SGCD: variants seen among roughly 807,000 people sequenced by gnomAD.
The protein encoded by SGCD is sarcoglycan delta.
A neutral mutation model predicts 36.6 loss-of-function variants in SGCD; 18 were observed. The observed-to-expected ratio is 0.49, with a 90% CI of 0.34 to 0.73. The LOEUF (loss-of-function observed/expected upper bound fraction) is 0.73, where lower values mean the gene tolerates loss of function less well. SGCD is among the 30% of genes least tolerant of loss of function. SGCD has a pLI of 0.01. For missense variants in SGCD, 387 were observed against 346.7 expected, an observed-to-expected ratio of 1.12 and a Z score of -0.92; for synonymous variants, 133 against 130.6, an observed-to-expected ratio of 1.02 and a Z score of -0.12.
At chr5:156,531,514 T>A (rs1238140085) in intron 4 of SGCD, among the ~76,000 whole-genome samples, 2 of 152,204 alleles carry the variant, frequency 1.3e-5, no homozygotes, top group Non-Finnish European at 2.9e-5. Context: ...GCCTTCTTTC[T>A]GTGGGTAAAG....
intron 1 of SGCD, among the ~76,000 whole-genome samples, chr5:155,911,191 A>G (rs1756622373): frequency 6.6e-6 from 1 of 152,068 alleles, no homozygotes; most frequent in Admixed American, 6.6e-5. Context: ...CTTCAAATAT[A>G]GCTTATTACA....
At chr5:156,706,480 A>G (rs992102533) in intron 7 of SGCD, among the ~76,000 whole-genome samples, 6 of 152,012 alleles carry the variant, frequency 3.9e-5, no homozygotes, top group African/African-American at 9.7e-5. Context: ...TCCATTTTCA[A>G]TGTCACATTT....
chr5:156,654,841 T>A (rs1763611621), intron 7 of SGCD, among the ~76,000 whole-genome samples: 1 of 152,172 alleles, frequency 6.6e-6, no homozygotes, highest in Non-Finnish European at 1.5e-5. Flanking sequence ...AAAGTTAACA[T>A]CTTACATATC....
intron 3 of SGCD, among the ~76,000 whole-genome samples, chr5:156,263,848 T>C (rs1765932231): frequency 6.6e-6 from 1 of 152,238 alleles, no homozygotes; most frequent in Admixed American, 6.6e-5. Context: ...TTGAGTAGGA[T>C]GTCCTTTTTC....
intron 3 of SGCD, among the ~76,000 whole-genome samples, chr5:156,263,314 C>T (rs977518144): frequency 6.6e-6 from 1 of 152,072 alleles, no homozygotes; most frequent in Non-Finnish European, 1.5e-5. Context: ...AAGGTGGTAT[C>T]TCATTGTGGT....
At chr5:156,735,559 G>T (rs1756313020) in intron 7 of SGCD, among the ~76,000 whole-genome samples, 1 of 151,938 alleles carries the variant, frequency 6.6e-6, no homozygotes, top group Admixed American at 6.6e-5. Context: ...TGTGCTAGGG[G>T]GTATCCCTTC....
At chr5:156,087,656 A>C (rs1186419287) in intron 1 of SGCD, among the ~76,000 whole-genome samples, 2 of 151,898 alleles carry the variant, frequency 1.3e-5, no homozygotes, top group Non-Finnish European at 1.5e-5. Flanking sequence ...AAAAAAAAAA[A>C]AAAAACTAGT....
chr5:156,308,627 G>C (rs982999954), intron 3 of SGCD, among the ~76,000 whole-genome samples: 1 of 152,114 alleles, frequency 6.6e-6, no homozygotes, highest in Admixed American at 6.5e-5. Flanking sequence ...ACAATCAGCT[G>C]TCATGAGAAG....
At chr5:156,052,441 C>T (rs1420528731) in intron 1 of SGCD, among the ~76,000 whole-genome samples, 1 of 146,166 alleles carries the variant, frequency 6.8e-6, no homozygotes, top group Non-Finnish European at 1.5e-5. Flanking sequence ...TGAAAGGAAG[C>T]CTAGGGGCTT....
the SGCD span, among the ~76,000 whole-genome samples, chr5:155,852,798 A>G: frequency 1.7e-4 from 26 of 152,218 alleles, no homozygotes; most frequent in African/African-American, 6.0e-4. Context: ...TGATGTATTG[A>G]TGTCTTACAT....
At chr5:156,742,818 G>A (rs959686083) in intron 7 of SGCD, among the ~76,000 whole-genome samples, 12 of 152,216 alleles carry the variant, frequency 7.9e-5, no homozygotes, top group African/African-American at 2.4e-4. Context: ...GGCAGGCAAC[G>A]TTATCTCTTG....
intron 5 of SGCD, among the ~76,000 whole-genome samples, chr5:156,593,324 A>C (rs535865989): frequency 6.6e-6 from 1 of 152,132 alleles, no homozygotes; most frequent in East Asian, 1.9e-4. Context: ...TCCTGCTTCA[A>C]TGTAATTTTT....
At chr5:155,825,510 C>T in the SGCD span, among the ~76,000 whole-genome samples, 1,637 of 152,244 alleles carry the variant, frequency 0.011, 35 homozygotes, top group African/African-American at 0.037. Context: ...AGACTGTGTG[C>T]TCCTTGTACT....
At chr5:155,749,930 A>G in the SGCD span, among the ~76,000 whole-genome samples, 5 of 152,206 alleles carry the variant, frequency 3.3e-5, no homozygotes, top group Non-Finnish European at 7.4e-5. Flanking sequence ...CTGATTTTAA[A>G]TCAAGTTTTA....
intron 1 of SGCD, among the ~76,000 whole-genome samples, chr5:156,103,675 T>C (rs1234892499): frequency 6.6e-6 from 1 of 152,110 alleles, no homozygotes; most frequent in Non-Finnish European, 1.5e-5. Flanking sequence ...TCATAATGAA[T>C]CATATATGAA....
At chr5:156,316,766 T>C (rs377592989) in intron 3 of SGCD, among the ~76,000 whole-genome samples, 1 of 151,958 alleles carries the variant, frequency 6.6e-6, no homozygotes, top group Non-Finnish European at 1.5e-5. Flanking sequence ...CTGTGAGAGA[T>C]GGGAACTAAG....
intron 1 of SGCD, among the ~76,000 whole-genome samples, chr5:155,987,182 G>C (rs909919325): frequency 6.6e-6 from 1 of 152,126 alleles, no homozygotes; most frequent in Non-Finnish European, 1.5e-5. Context: ...CTCATCATTT[G>C]AACTTGCATT....
At chr5:156,742,038 G>A (rs1400785750) in intron 7 of SGCD, among the ~76,000 whole-genome samples, 1 of 152,074 alleles carries the variant, frequency 6.6e-6, no homozygotes, top group Non-Finnish European at 1.5e-5. Context: ...ACCACGCCTG[G>A]CTAATTTTTT....
At chr5:156,321,920 T>G (rs79113302), upstream of SGCD, among the ~76,000 whole-genome samples, 267 of 152,320 alleles carry the variant, frequency 1.8e-3, 3 homozygotes, top group African/African-American at 6.3e-3. Flanking sequence ...TCTTTTTTCC[T>G]TAGGCTAATT....
Sources: allele counts gnomAD v4.1 joint callset (sites outside exome capture counted in the v4.1 genomes callset), GRCh38; gene constraint gnomAD v4.1.1; transcripts MANE v1.5; gene names NCBI Gene and HGNC (gene_info 2026-07-23, HGNC 2026-07-21).